The following TMEM266 variants were observed in gnomAD, a reference collection of about 807,000 sequenced individuals.
TMEM266 encodes Hv1 related protein 1.
In TMEM266, 33 loss-of-function variants were observed where a neutral mutation model predicts 50.5. That is an observed-to-expected ratio of 0.65 (90% CI 0.50 to 0.87). The LOEUF is 0.87. Among genes scored for constraint, TMEM266 ranks in the 40% least tolerant of loss-of-function variants. The pLI is 0.00. For synonymous variants in TMEM266, 310 were observed against 292.3 expected, an observed-to-expected ratio of 1.06 and a Z score of -0.62; for missense variants, 655 against 695.1, an observed-to-expected ratio of 0.94 and a Z score of 0.65.
chr15:76,150,312 GGCTTCGATCTGGCTCCT>G (rs2037818852), intron 3 of TMEM266, among the ~76,000 whole-genome samples: 1 of 152,156 alleles, frequency 6.6e-6, no homozygotes, highest in African/African-American at 2.4e-5. Flanking sequence ...CAGGGCCCCA[GGCTTCGATCTGGCTCCT>G]GCTACCAGGC....
intron 1 of TMEM266, among the ~76,000 whole-genome samples, chr15:76,109,700 T>C (rs2037138005): frequency 6.7e-6 from 1 of 150,250 alleles, no homozygotes; most frequent in African/African-American, 2.4e-5. Flanking sequence ...CTTTTCTTTT[T>C]TCTTTCTTTT....
intron 1 of TMEM266, among the ~76,000 whole-genome samples, chr15:76,117,042 G>A (rs1251118055): frequency 1.3e-5 from 2 of 151,936 alleles, no homozygotes; most frequent in Non-Finnish European, 2.9e-5. Flanking sequence ...TGGGATTACA[G>A]GCATGTGCCA....
intron 1 of TMEM266, among the ~76,000 whole-genome samples, chr15:76,133,537 C>T (rs985131728): frequency 6.6e-6 from 1 of 152,108 alleles, no homozygotes; most frequent in Non-Finnish European, 1.5e-5. Flanking sequence ...CAGGCATGAC[C>T]TCATGTAGTT....
At chr15:76,131,050 C>T (rs887471358) in intron 1 of TMEM266, among the ~76,000 whole-genome samples, 2 of 152,150 alleles carry the variant, frequency 1.3e-5, no homozygotes, top group African/African-American at 2.4e-5. Flanking sequence ...CATTATATCC[C>T]CCACAGGGCT....
intron 1 of TMEM266, among the ~76,000 whole-genome samples, chr15:76,099,595 C>T (rs1204779653): frequency 3.3e-5 from 5 of 152,104 alleles, no homozygotes; most frequent in African/African-American, 4.8e-5. Flanking sequence ...TGTGAAGAGG[C>T]GAAGTAGCCT....
rs747674745 is a variant in TMEM266, at chr15:76,202,200, A to G, written c.959-2A>G. On this transcript the variant is annotated splice_acceptor_variant, in intron 9 of 10. Transcript: ENST00000388942. LOFTEE classifies it high-confidence loss of function. The stretch of plus-strand genomic sequence containing the variant: ...CACCCTTCTCTGTCCCCACCTCTGT[A>G]GAAGCCACGATGAAGGACGACATGA... 7 of 1,613,364 alleles carry G rather than the reference A, an allele frequency of 4.3e-6. No homozygotes were observed. The East Asian group carries it at 6.7e-5, about 15-fold the overall frequency.
intron 1 of TMEM266, among the ~76,000 whole-genome samples, chr15:76,076,631 A>T (rs1201290677): frequency 1.3e-5 from 2 of 152,114 alleles, no homozygotes; most frequent in African/African-American, 4.8e-5. Flanking sequence ...TGATACTCAC[A>T]GGCAGAGCAA....
rs139781197 is a variant in TMEM266, at chr15:76,098,982, G to T, written c.-96-35186G>T. Among the ~76,000 whole-genome samples, 502 of 152,266 alleles carry T rather than the reference G, an allele frequency of 3.3e-3. 3 individuals are homozygous for T. The highest frequency in any genetic ancestry group is 0.011 in the African/African-American group (442 of 41,550). On this transcript the variant is annotated intron_variant, in intron 1 of 10. Transcript: ENST00000388942. ...CAGACAGCTGCTGTGCTGGCAGTGG[G>T]AATTTCAAACTAGTGGATCTTACTT... is the stretch of plus-strand genomic sequence containing the variant.
intron 3 of TMEM266, among the ~76,000 whole-genome samples, chr15:76,150,471 C>A (rs1197291988): frequency 1.3e-5 from 2 of 152,198 alleles, no homozygotes; most frequent in African/African-American, 4.8e-5. Flanking sequence ...TGCCGTGACT[C>A]TCCACTGCCT....
chr15:76,164,757 G>A lies in TMEM266; in HGVS notation c.456+4589G>A, dbSNP rs375161013. On this transcript the variant is annotated intron_variant, in intron 5 of 10. Transcript: ENST00000388942. ...AGACCAGCCTGCTCCCCTGAGCCAC[G>A]CACCACCCTACGCCCCCAACCCACT... 3.3e-4 allele frequency among the ~76,000 whole-genome samples: 50 copies of A among 152,298 alleles called. 1 individual carries two copies. Among genetic ancestry groups the A allele is most frequent in the African/African-American group, 1.2e-3 (48 of 41,568 alleles).
At chr15:76,159,739 G>A (rs1239061301) in intron 4 of TMEM266, among the ~76,000 whole-genome samples, 4 of 152,096 alleles carry the variant, frequency 2.6e-5, no homozygotes, top group Non-Finnish European at 4.4e-5. Context: ...CAGCCCAAAA[G>A]CCGTGAATGT....
At chr15:76,201,800 T>G (rs1333260045) in intron 9 of TMEM266, among the ~76,000 whole-genome samples, 1 of 152,222 alleles carries the variant, frequency 6.6e-6, no homozygotes, top group Non-Finnish European at 1.5e-5. Flanking sequence ...AAATGGGATT[T>G]CAGGGCTTCT....
chr15:76,167,392 C>T (rs1046806409), intron 5 of TMEM266, among the ~76,000 whole-genome samples: 4 of 150,526 alleles, frequency 2.7e-5, no homozygotes, highest in Admixed American at 2.6e-4. Flanking sequence ...ATGGCGTGAA[C>T]CTAGGAGGAG....
rs376012864 is a variant in TMEM266, at chr15:76,160,467, C to T, written c.456+299C>T. Among the ~76,000 whole-genome samples, 19 of 152,258 alleles carry T rather than the reference C, an allele frequency of 1.2e-4. No individual in the cohort carries two copies. The East Asian group carries it at 3.1e-3, about 25-fold the overall frequency. ...CTGGTGAAGGTGAGACTGAATGTGGCGTCGAGGGGCAGCCAGTGTTGGGTG... is the reference window on the plus strand; with the variant it reads ...CTGGTGAAGGTGAGACTGAATGTGGTGTCGAGGGGCAGCCAGTGTTGGGTG... On this transcript the variant is annotated intron_variant, in intron 5 of 10. Transcript: ENST00000388942. The surrounding 1 kb of genome is among the most constrained non-coding windows in gnomAD (Gnocchi z 5.7).
In TMEM266 at chr15:76,157,767, G is replaced by A. The variant is rs527391561; in HGVS notation, c.382+1009G>A. Among the ~76,000 whole-genome samples, 22 of 152,272 alleles carry A rather than the reference G, an allele frequency of 1.4e-4. No homozygotes were observed. The South Asian group carries it at 2.1e-3, about 14-fold the overall frequency. ...TTGGGGAGGCCAAGGTGGGAGGATC[G>A]CTTGAGCCCTGGAGTTTGAGACCAG... is the stretch of plus-strand genomic sequence containing the variant. On this transcript the variant is annotated intron_variant, in intron 4 of 10. Transcript: ENST00000388942.
intron 1 of TMEM266, among the ~76,000 whole-genome samples, chr15:76,080,386 A>G (rs1183253144): frequency 7.6e-6 from 1 of 130,778 alleles, no homozygotes. Flanking sequence ...TGAGTAGCTG[A>G]GATTACAGGT....
chr15:76,173,118 G>A (rs2038211945), intron 7 of TMEM266, among the ~76,000 whole-genome samples: 1 of 152,182 alleles, frequency 6.6e-6, no homozygotes, highest in Non-Finnish European at 1.5e-5. Context: ...AGAGATTTGA[G>A]GAGGCAGCGG....
chr15:76,081,339 CA>C (rs1441261286), intron 1 of TMEM266, among the ~76,000 whole-genome samples: 2 of 152,170 alleles, frequency 1.3e-5, no homozygotes, highest in African/African-American at 4.8e-5. Context: ...TGTTCTCTGC[CA>C]GAGTAACTTC....
chr15:76,102,801 T>C (rs1211072252), intron 1 of TMEM266, among the ~76,000 whole-genome samples: 6 of 139,148 alleles, frequency 4.3e-5, no homozygotes, highest in Admixed American at 7.9e-5. Flanking sequence ...ATGATGCCAG[T>C]GCACTCCAGC....
Sources: allele counts gnomAD v4.1 joint callset (sites outside exome capture counted in the v4.1 genomes callset), GRCh38; gene constraint gnomAD v4.1.1; non-coding constraint Gnocchi (gnomAD v3.1); transcripts MANE v1.5; gene names NCBI Gene and HGNC (gene_info 2026-07-23, HGNC 2026-07-21).